Variants in DDHD1 observed in about 807,000 individuals in gnomAD.
The protein encoded by DDHD1 is DDHD domain containing 1, also known as phospholipase DDHD1.
In DDHD1, 49 loss-of-function variants were observed where a neutral mutation model predicts 96.4. The ratio of observed to expected loss-of-function variants is 0.51; its 90% confidence interval spans 0.40 to 0.64. DDHD1 has a LOEUF of 0.64. Ranked by LOEUF, DDHD1 falls within the 30% of genes least tolerant of loss-of-function variation. The probability of loss-of-function intolerance (pLI) is 0.00; values close to 1 mark genes in which losing one functional copy is unlikely to be tolerated. For synonymous variants in DDHD1, 442 were observed against 446.5 expected (o/e 0.99, Z 0.13); for missense variants, 1,106 against 1,161.2 (o/e 0.95, Z 0.69).
chr14:53,072,736 T>G, intron 5 of DDHD1, 33 bp from the exon 6 acceptor site: 16 of 1,455,634 alleles, frequency 1.1e-5, no homozygotes, highest in Non-Finnish European at 1.3e-5. Flanking sequence ...CAAGTTAACT[T>G]ATAGAAAGTC....
At chr14:53,109,052 TA>T (rs769422791) in intron 1 of DDHD1, among the ~76,000 whole-genome samples, 171 of 152,280 alleles carry the variant, frequency 1.1e-3, no homozygotes, top group Non-Finnish European at 2.1e-3. Context: ...TTCTGCAGAT[TA>T]GTAAAGAGGA....
At chr14:53,147,090 G>T (rs150377624) in intron 1 of DDHD1, among the ~76,000 whole-genome samples, 1 of 152,164 alleles carries the variant, frequency 6.6e-6, no homozygotes, top group East Asian at 1.9e-4. Context: ...TAGGCTTCCT[G>T]TGAATAATAC....
intron 1 of DDHD1, among the ~76,000 whole-genome samples, chr14:53,123,021 A>C (rs1350525811): frequency 1.3e-5 from 2 of 152,022 alleles, no homozygotes; most frequent in Non-Finnish European, 2.9e-5. Context: ...TGAGAGAGAC[A>C]GACAGAGAAT....
At chr14:53,107,852 C>T (rs1887812235) in intron 1 of DDHD1, among the ~76,000 whole-genome samples, 2 of 152,108 alleles carry the variant, frequency 1.3e-5, no homozygotes, top group Admixed American at 1.3e-4. Flanking sequence ...TGCAACTTAG[C>T]TCACACCCGA....
rs762883457 is a variant in DDHD1, at chr14:53,103,846, T to A, written c.849A>T (p.Lys283Asn). 2 of 1,594,192 alleles carry A rather than the reference T, an allele frequency of 1.3e-6. No homozygotes were observed. The highest frequency in any genetic ancestry group is 3.7e-5 in the Admixed American group (2 of 54,576). Residue 283 changes from lysine (K) to asparagine (N), a missense_variant, in exon 2 of 13, where the codon AAA becomes AAT. Coordinates refer to ENST00000673822, the MANE Select transcript of DDHD1 (RefSeq NM_001160148.2). Reference protein sequence around the residue: ...CYPVYWNQADKIPVMRGQWFI... With the variant: ...CYPVYWNQADNIPVMRGQWFI... Reference sequence around the variant, plus strand: ...ACCACTGTCCACGCATTACTGGTATTTTATCAGCCTCTGAAAAAGAGAAAT... The same window carrying A: ...ACCACTGTCCACGCATTACTGGTATATTATCAGCCTCTGAAAAAGAGAAAT...
In DDHD1 at chr14:53,040,585, T is replaced by C. The variant is rs1463675423; in HGVS notation, c.*6183A>G. ...CTTCTTTGAAATTATTAAATGTGCA[T>C]GCACCAGTTCCAGCTGAGAAAATCA... On this transcript the variant is annotated 3_prime_UTR_variant, in exon 13 of 13. Coordinates refer to ENST00000673822, the MANE Select transcript of DDHD1 (RefSeq NM_001160148.2). 6.6e-6 allele frequency: 1 copy of C among 152,182 alleles called. No individual in the cohort carries two copies. The highest frequency in any genetic ancestry group is 2.4e-5 in the African/African-American group (1 of 41,450). 9.4% of individuals were successfully genotyped at this position (152,182 alleles called of 1,614,324 possible).
intron 4 of DDHD1, among the ~76,000 whole-genome samples, chr14:53,090,777 T>A (rs1886368794): frequency 1.3e-5 from 2 of 152,036 alleles, no homozygotes; most frequent in Non-Finnish European, 2.9e-5. Context: ...ATGTAAATGA[T>A]GAGTTAATGG....
intron 1 of DDHD1, among the ~76,000 whole-genome samples, chr14:53,114,402 C>T (rs932314847): frequency 1.3e-5 from 2 of 152,212 alleles, no homozygotes; most frequent in East Asian, 3.9e-4. Flanking sequence ...GACAGGCTGC[C>T]TCCTCAAGTG....
intron 1 of DDHD1, among the ~76,000 whole-genome samples, chr14:53,144,732 C>A (rs1374793828): frequency 6.6e-6 from 1 of 152,162 alleles, no homozygotes; most frequent in African/African-American, 2.4e-5. Context: ...AAAATATGAA[C>A]TAAAAGTTGC....
intron 3 of DDHD1, chr14:53,092,386 A>G (rs1001950864): frequency 1.8e-4 from 21 of 118,290 alleles, no homozygotes; most frequent in African/African-American, 6.2e-4. Flanking sequence ...AATAAACATA[A>G]AAAGATATTC....
chr14:53,147,306 G>A (rs1380370529), intron 1 of DDHD1, among the ~76,000 whole-genome samples: 1 of 152,166 alleles, frequency 6.6e-6, no homozygotes, highest in Non-Finnish European at 1.5e-5. Flanking sequence ...CAATTCAGAA[G>A]AGAGAAGCAT....
Position 53,058,582 on chromosome 14 carries a change from C to T in DDHD1, c.1887G>A (p.Leu629=). ...TTCCTGGGCGGATGCCACGCAACGC[C>T]AAGAAAACTGCTAATGGGGATCCCA... ...FCMGSPLAVF[L]ALRGIRPGNT... is the part of the protein sequence containing the mutation. Residue 629 remains leucine (L), a synonymous_variant, in exon 9 of 13, where the codon TTG becomes TTA. Transcript: ENST00000673822. 1 of 1,613,146 alleles carries T rather than the reference C, an allele frequency of 6.2e-7. No individual in the cohort carries two copies. The highest frequency in any genetic ancestry group is 8.5e-7 in the Non-Finnish European group (1 of 1,179,652).
chr14:53,084,683 C>G (rs1348425303), intron 4 of DDHD1, among the ~76,000 whole-genome samples: 1 of 152,160 alleles, frequency 6.6e-6, no homozygotes, highest in Non-Finnish European at 1.5e-5. Context: ...AGGAACAGCT[C>G]TGGTCTGCAG....
intron 1 of DDHD1, among the ~76,000 whole-genome samples, chr14:53,149,294 G>T (rs1000388344): frequency 6.6e-6 from 1 of 152,150 alleles, no homozygotes; most frequent in Non-Finnish European, 1.5e-5. Flanking sequence ...AATCTAAATG[G>T]CCAATGGATT....
At chr14:53,059,839 G>T (rs531808409) in intron 8 of DDHD1, among the ~76,000 whole-genome samples, 2 of 139,730 alleles carry the variant, frequency 1.4e-5, no homozygotes, top group South Asian at 4.6e-4. Flanking sequence ...ACTCCAGCCT[G>T]GGTGACAGAG....
At chr14:53,083,009 G>C (rs1222472931) in intron 4 of DDHD1, among the ~76,000 whole-genome samples, 1 of 152,150 alleles carries the variant, frequency 6.6e-6, no homozygotes, top group African/African-American at 2.4e-5. Context: ...GGGACACAAG[G>C]ACAAAGGATA....
intron 1 of DDHD1, among the ~76,000 whole-genome samples, chr14:53,115,961 G>A (rs1359823329): frequency 6.6e-6 from 1 of 152,144 alleles, no homozygotes; most frequent in Non-Finnish European, 1.5e-5. Flanking sequence ...ACCCATTGGT[G>A]TGCTGTATTC....
In DDHD1 at chr14:53,093,362, T is replaced by C. The variant is rs1188028579; in HGVS notation, c.1095A>G (p.Thr365=). The C allele has an allele frequency of 1.9e-6, 3 of 1,612,752 alleles. No homozygotes were observed. The highest frequency in any genetic ancestry group is 1.7e-5 in the Admixed American group (1 of 59,798). ...DEVYLYSDAT[T]SKIARTVTQK... ...GGGTAACTGTTCTTGCAATTTTAGA[T>C]GTTGTTGCATCACTATAAAGATATA... is the stretch of plus-strand genomic sequence containing the variant. Residue 365 remains threonine (T), a synonymous_variant, in exon 3 of 13, where the codon ACA becomes ACG. Transcript: ENST00000673822.
At chr14:53,096,674 G>A (rs1320690735) in intron 2 of DDHD1, among the ~76,000 whole-genome samples, 1 of 151,572 alleles carries the variant, frequency 6.6e-6, no homozygotes, top group African/African-American at 2.4e-5. Flanking sequence ...AGATACCACA[G>A]CATACATTCT....
Sources: allele counts gnomAD v4.1 joint callset (sites outside exome capture counted in the v4.1 genomes callset), GRCh38; gene constraint gnomAD v4.1.1; transcripts MANE v1.5; gene names NCBI Gene and HGNC (gene_info 2026-07-23, HGNC 2026-07-21).